DGKI: variants seen among roughly 807,000 people sequenced by gnomAD.
DGKI encodes diacylglycerol kinase iota.
A neutral mutation model predicts 147.5 loss-of-function variants in DGKI; 55 were observed. The observed-to-expected ratio is 0.37, with a 90% CI of 0.30 to 0.47. The LOEUF is 0.47. DGKI is among the 20% of genes least tolerant of loss of function. DGKI has a pLI of 1.00. For synonymous variants in DGKI, 469 were observed against 477.1 expected, an observed-to-expected ratio of 0.98 and a Z score of 0.22; for missense variants, 1,007 against 1,323.8, an observed-to-expected ratio of 0.76 and a Z score of 3.71.
At chr7:137,641,626 T>G (rs532053793) in intron 6 of DGKI, among the ~76,000 whole-genome samples, 1 of 152,376 alleles carries the variant, frequency 6.6e-6, no homozygotes, top group East Asian at 1.9e-4. Flanking sequence ...AGATATCTTA[T>G]GTATACGCAA....
At position 137,609,045 on chromosome 7, in the gene DGKI, G is replaced by A. The variant is rs1208453186; in HGVS notation, c.1088C>T (p.Pro363Leu). 5 of 1,613,462 alleles carry A rather than the reference G, an allele frequency of 3.1e-6. No homozygotes were observed. The South Asian group carries it at 5.5e-5, about 18-fold the overall frequency. ...RGMEQENKGR[P>L]FVIKPISSPL... ...AGAAGAGATGGGTTTTATCACAAAA[G>A]GACGACCTTTGTTTTCCTGCTGAAA... The change falls in exon 10 of 33, where the codon CCT becomes CTT. Residue 363 changes from proline (P) to leucine (L), a missense_variant. Physicochemically the swap from Pro to Leu is moderately conservative, Grantham distance 98. This residue lies in a region of DGKI where 259 missense variants were observed against 362.5 expected (regional missense o/e 0.71). Transcript: ENST00000614521.
At chr7:137,628,242 G>A (rs560495875) in intron 6 of DGKI, among the ~76,000 whole-genome samples, 6 of 152,298 alleles carry the variant, frequency 3.9e-5, no homozygotes, top group Non-Finnish European at 7.4e-5. Context: ...CAGCCAGACC[G>A]ATACTAGAAA....
intron 3 of DGKI, among the ~76,000 whole-genome samples, chr7:137,667,215 A>G (rs548109794): frequency 5.3e-4 from 80 of 152,336 alleles, no homozygotes; most frequent in African/African-American, 1.9e-3. Flanking sequence ...ATGGATATAA[A>G]TATAATTACA....
rs115462428 is a variant in DGKI, at chr7:137,639,393, C to A, written c.804+6079G>T. 8.0e-3 allele frequency among the ~76,000 whole-genome samples: 1,222 copies of A among 152,302 alleles called. 20 individuals carry two copies. The highest frequency in any genetic ancestry group is 0.028 in the African/African-American group (1,154 of 41,546). ...CTCTGAGGACCATCTGATCAGGGAACAAAGAGGCCATTTGCTTGCGTACCT... is the reference window on the plus strand; with the variant it reads ...CTCTGAGGACCATCTGATCAGGGAAAAAAGAGGCCATTTGCTTGCGTACCT... On this transcript the variant is annotated intron_variant, in intron 6 of 32. Transcript: ENST00000614521.
At chr7:137,841,942 T>C (rs1184649415) in intron 1 of DGKI, among the ~76,000 whole-genome samples, 2 of 152,148 alleles carry the variant, frequency 1.3e-5, no homozygotes, top group Admixed American at 1.3e-4. Flanking sequence ...ATCTCCCAGG[T>C]AAAAATCAAG....
chr7:137,539,771 G>T (rs1563075119), intron 20 of DGKI, among the ~76,000 whole-genome samples: 3 of 151,680 alleles, frequency 2.0e-5, no homozygotes, highest in Non-Finnish European at 4.4e-5. Flanking sequence ...CAATAAAATT[G>T]CAAATTGAAA....
chr7:137,753,365 T>A (rs1435400391), intron 1 of DGKI, among the ~76,000 whole-genome samples: 1 of 152,158 alleles, frequency 6.6e-6, no homozygotes, highest in African/African-American at 2.4e-5. Flanking sequence ...TCAGCCGGGA[T>A]CCCTGGGAGA....
chr7:137,823,033 G>A (rs868658069), intron 1 of DGKI, among the ~76,000 whole-genome samples: 1 of 151,224 alleles, frequency 6.6e-6, no homozygotes, highest in Non-Finnish European at 1.5e-5. Context: ...TGGTAAATTG[G>A]GGAGGAGGAA....
At chr7:137,618,226 A>AT in intron 8 of DGKI, among the ~76,000 whole-genome samples, 1 of 135,110 alleles carries the variant, frequency 7.4e-6, no homozygotes, top group Non-Finnish European at 1.6e-5. Context: ...GTTCACGGTT[A>AT]TTAAAAAAAA....
intron 1 of DGKI, among the ~76,000 whole-genome samples, chr7:137,784,892 C>A (rs561327695): frequency 6.3e-4 from 96 of 151,530 alleles, no homozygotes; most frequent in Middle Eastern, 3.4e-3. Flanking sequence ...AAACAAATCA[C>A]GATGGAAATT....
intron 27 of DGKI, among the ~76,000 whole-genome samples, chr7:137,444,320 T>C (rs1205493683): frequency 6.6e-6 from 1 of 152,194 alleles, no homozygotes; most frequent in African/African-American, 2.4e-5. Flanking sequence ...AATATCAGTC[T>C]ATGCATGGTG....
At chr7:137,522,008 C>G in intron 20 of DGKI, 42 bp from the exon 21 acceptor site, 1 of 1,467,802 alleles carries the variant, frequency 6.8e-7, no homozygotes, top group Non-Finnish European at 9.5e-7. Flanking sequence ...AATGAGAGAG[C>G]GGAATTGGTA....
Position 137,533,394 on chromosome 7 carries a change from G to C in DGKI, c.2148-11428C>G, listed in dbSNP as rs1018620589. 2.0e-5 allele frequency among the ~76,000 whole-genome samples: 3 copies of C among 151,968 alleles called. No individual in the cohort carries two copies. In the South Asian group the frequency reaches 6.2e-4, roughly 32 times the overall value. On this transcript the variant is annotated intron_variant, in intron 20 of 32. Transcript: ENST00000614521. Reference sequence around the variant, plus strand: ...CTACAAATACTAAAAAGAAAACAATGAAAAAGAAAGAAAATAATGGTTTTA... The same window carrying C: ...CTACAAATACTAAAAAGAAAACAATCAAAAAGAAAGAAAATAATGGTTTTA...
At chr7:137,769,032 T>C (rs1796100486) in intron 1 of DGKI, among the ~76,000 whole-genome samples, 1 of 152,146 alleles carries the variant, frequency 6.6e-6, no homozygotes, top group African/African-American at 2.4e-5. Flanking sequence ...AAAAAGTCAA[T>C]TTTGTCTTCT....
chr7:137,416,445 T>C (rs1812362965), intron 28 of DGKI, among the ~76,000 whole-genome samples: 2 of 152,164 alleles, frequency 1.3e-5, no homozygotes, highest in South Asian at 4.1e-4. Context: ...AGTCATGGTG[T>C]CTGAGGGAAT....
chr7:137,645,583 T>C, intron 5 of DGKI, 46 bp from the exon 6 acceptor site: 10 of 1,534,600 alleles, frequency 6.5e-6, no homozygotes, highest in South Asian at 1.2e-5. Flanking sequence ...AATTTATTTC[T>C]ATAGACAGGG....
intron 1 of DGKI, among the ~76,000 whole-genome samples, chr7:137,742,709 T>C (rs752810886): frequency 4.0e-5 from 6 of 150,554 alleles, no homozygotes; most frequent in Non-Finnish European, 7.4e-5. Context: ...TCAAGAAAGG[T>C]ACTCAGCTAC....
At chr7:137,613,235 C>T (rs10232062) in intron 8 of DGKI, among the ~76,000 whole-genome samples, 2,964 of 152,152 alleles carry the variant, frequency 0.019, 103 homozygotes, top group African/African-American at 0.068. Context: ...GTCTCCCCCC[C>T]ATCATATACT....
intron 1 of DGKI, among the ~76,000 whole-genome samples, chr7:137,838,544 A>G (rs892662068): frequency 5.3e-4 from 80 of 152,168 alleles, no homozygotes; most frequent in Admixed American, 5.2e-3. Flanking sequence ...CAAGCCTGAC[A>G]TCTTTCTCAT....
Sources: gnomAD v4.1 joint callset for allele counts (sites outside exome capture counted in the v4.1 genomes callset) on GRCh38, gnomAD v4.1.1 for gene constraint, gnomAD v4.1.1 regional missense constraint, MANE v1.5 for transcripts, NCBI Gene and HGNC (gene_info 2026-07-23, HGNC 2026-07-21) for gene names.